Variants in LOC128462377 observed in about 807,000 individuals in gnomAD.
At chr16:89,405,646 T>C in the LOC128462377 span, among the ~76,000 whole-genome samples, 1 of 152,022 alleles carries the variant, frequency 6.6e-6, no homozygotes. Context: ...CTAGGTAACT[T>C]TCCTATCAGC....
At chr16:89,394,235 C>G in the LOC128462377 span, among the ~76,000 whole-genome samples, 2 of 152,216 alleles carry the variant, frequency 1.3e-5, no homozygotes. Context: ...TCTGGGACTG[C>G]AGTTCCACAG....
chr16:89,390,259 G>A, the LOC128462377 span, among the ~76,000 whole-genome samples: 15 of 143,066 alleles, frequency 1.0e-4, no homozygotes, highest in Non-Finnish European at 2.0e-4. Flanking sequence ...GGCGAACACC[G>A]AGTGTGGCGG....
chr16:89,376,343 G>A, the LOC128462377 span, among the ~76,000 whole-genome samples: 1 of 152,208 alleles, frequency 6.6e-6, no homozygotes, highest in Non-Finnish European at 1.5e-5. Context: ...CAAGATAACA[G>A]GAGAAGCAGC....
At chr16:89,402,175 C>A in the LOC128462377 span, among the ~76,000 whole-genome samples, 1 of 152,264 alleles carries the variant, frequency 6.6e-6, no homozygotes, top group South Asian at 2.1e-4. Context: ...AGGAGGACGA[C>A]CTACAGTTCA....
chr16:89,393,200 C>T, the LOC128462377 span, among the ~76,000 whole-genome samples: 2 of 152,144 alleles, frequency 1.3e-5, no homozygotes, highest in Admixed American at 6.5e-5. Context: ...GAGAGCACGA[C>T]GCCAGCCTCA....
At chr16:89,348,415 G>GTAT in the LOC128462377 span, among the ~76,000 whole-genome samples, 1 of 152,104 alleles carries the variant, frequency 6.6e-6, no homozygotes, top group African/African-American at 2.4e-5. Context: ...ATTTACATCA[G>GTAT]TATTAATGTG....
At chr16:89,338,184 C>T in the LOC128462377 span, among the ~76,000 whole-genome samples, 3 of 152,166 alleles carry the variant, frequency 2.0e-5, no homozygotes, top group African/African-American at 4.8e-5. Context: ...CCCCGAGACG[C>T]ACTCTCACTG....
the LOC128462377 span, chr16:89,323,269 G>C: frequency 7.8e-7 from 1 of 1,284,050 alleles, no homozygotes; most frequent in Non-Finnish European, 1.0e-6. Flanking sequence ...ATACCTGGCA[G>C]GCCTACTGTG....
chr16:89,415,829 C>CA, the LOC128462377 span, among the ~76,000 whole-genome samples: 1,872 of 39,622 alleles, frequency 0.047, 111 homozygotes, highest in East Asian at 0.12. Flanking sequence ...GACTCTGTCT[C>CA]AAAAAAAAAA....
At chr16:89,335,083 T>G in the LOC128462377 span, among the ~76,000 whole-genome samples, 1 of 152,114 alleles carries the variant, frequency 6.6e-6, no homozygotes, top group African/African-American at 2.4e-5. Context: ...AAAAAACGAC[T>G]AACACTGATT....
chr16:89,418,001 G>C, the LOC128462377 span, among the ~76,000 whole-genome samples: 1 of 152,216 alleles, frequency 6.6e-6, no homozygotes, highest in Admixed American at 6.5e-5. Flanking sequence ...AGGAGGACAA[G>C]AGGAAATAAA....
At chr16:89,381,446 T>C in the LOC128462377 span, among the ~76,000 whole-genome samples, 2 of 151,440 alleles carry the variant, frequency 1.3e-5, no homozygotes, top group Non-Finnish European at 2.9e-5. Context: ...AGGGTTATTG[T>C]ATAAGGAGCA....
At chr16:89,372,251 T>C in the LOC128462377 span, among the ~76,000 whole-genome samples, 1 of 152,220 alleles carries the variant, frequency 6.6e-6, no homozygotes, top group African/African-American at 2.4e-5. Context: ...CACGTCCTCC[T>C]GCAGCCCGAG....
chr16:89,336,705 AG>A, the LOC128462377 span, among the ~76,000 whole-genome samples: 1 of 152,330 alleles, frequency 6.6e-6, no homozygotes. Flanking sequence ...CTGTCCTAAA[AG>A]CACGCCCTAC....
the LOC128462377 span, among the ~76,000 whole-genome samples, chr16:89,338,395 G>A: frequency 2.7e-5 from 4 of 148,346 alleles, no homozygotes; most frequent in Non-Finnish European, 4.4e-5. Flanking sequence ...GGGCCTGAGT[G>A]GAAATCCTGT....
At chr16:89,354,325 C>A in the LOC128462377 span, among the ~76,000 whole-genome samples, 1 of 151,564 alleles carries the variant, frequency 6.6e-6, no homozygotes, top group African/African-American at 2.4e-5. Context: ...TTCCTTCTCA[C>A]TGTCAATCTT....
chr16:89,317,556 G>C, the LOC128462377 span, among the ~76,000 whole-genome samples: 1 of 152,276 alleles, frequency 6.6e-6, no homozygotes, highest in Non-Finnish European at 1.5e-5. Flanking sequence ...CACCTGGGAA[G>C]GAGCTCCTGT....
the LOC128462377 span, among the ~76,000 whole-genome samples, chr16:89,411,072 G>C: frequency 1.3e-5 from 2 of 151,980 alleles, no homozygotes; most frequent in Non-Finnish European, 2.9e-5. Flanking sequence ...GGGGCGGCCA[G>C]TGCAGGAGGC....
chr16:89,405,099 C>A, the LOC128462377 span, among the ~76,000 whole-genome samples: 1 of 152,146 alleles, frequency 6.6e-6, no homozygotes, highest in Non-Finnish European at 1.5e-5. Flanking sequence ...ACTGCCCACA[C>A]CAGTTAACCT....
Sources: allele counts gnomAD v4.1 joint callset (sites outside exome capture counted in the v4.1 genomes callset), GRCh38; gene constraint gnomAD v4.1.1; transcripts MANE v1.5.